The following RGS22 variants were observed in gnomAD, a reference collection of about 807,000 sequenced individuals.
RGS22 encodes the protein regulator of G protein signaling 22.
RGS22 carries 148 observed loss-of-function variants against 172.9 expected under a neutral mutation model. That is an observed-to-expected ratio of 0.86 (90% CI 0.75 to 0.98). The LOEUF (loss-of-function observed/expected upper bound fraction) is 0.98, where lower values mean the gene tolerates loss of function less well. Among genes scored for constraint, RGS22 ranks in the 50% least tolerant of loss-of-function variants. RGS22 has a pLI of 0.00. For missense variants in RGS22, 1,347 were observed against 1,440.8 expected (o/e 0.93, Z 1.05); for synonymous variants, 458 against 480.2 (o/e 0.95, Z 0.60).
intron 2 of RGS22, among the ~76,000 whole-genome samples, chr8:100,095,584 TTTG>T (rs1690997887): frequency 6.6e-6 from 1 of 152,324 alleles, no homozygotes; most frequent in East Asian, 1.9e-4. Flanking sequence ...ATCCCAATTT[TTTG>T]TTATTAAATT....
At chr8:100,054,543 A>G (rs113985512) in intron 9 of RGS22, 3 of 153,854 alleles carry the variant, frequency 1.9e-5, no homozygotes, top group African/African-American at 7.2e-5. Context: ...GCAGTGAGCC[A>G]TGACCATGCC....
intron 10 of RGS22, 56 bp downstream of exon 10, chr8:100,052,746 G>A (rs759326763): frequency 6.9e-7 from 1 of 1,456,258 alleles, no homozygotes; most frequent in Non-Finnish European, 9.6e-7. Context: ...AAACACTCAA[G>A]CATACATATT....
At chr8:100,061,294 C>G (rs1277271624) in intron 9 of RGS22, among the ~76,000 whole-genome samples, 1 of 152,046 alleles carries the variant, frequency 6.6e-6, no homozygotes, top group Non-Finnish European at 1.5e-5. Context: ...GCAACAAAAG[C>G]AAAAATTGAC....
intron 20 of RGS22, among the ~76,000 whole-genome samples, chr8:99,995,041 G>T (rs1814203609): frequency 6.6e-6 from 1 of 152,142 alleles, no homozygotes; most frequent in Non-Finnish European, 1.5e-5. Context: ...AATAAATGGT[G>T]CTGGGAAAAC....
chr8:99,971,985 C>T (rs1449079673), intron 23 of RGS22, among the ~76,000 whole-genome samples: 1 of 152,152 alleles, frequency 6.6e-6, no homozygotes, highest in Non-Finnish European at 1.5e-5. Context: ...CATCACACTA[C>T]CTGACTTCAA....
rs115207850 is a variant in RGS22, at chr8:100,027,073, T to C, written c.2166+11858A>G. On this transcript the variant is annotated intron_variant, in intron 14 of 27. Coordinates refer to ENST00000360863, the MANE Select transcript of RGS22 (RefSeq NM_015668.5). ...GTGAGACCCTGTCTCTACAAAACAT[T>C]AGCTGGGGCTGGTGGTGTGTCTGTA... is the stretch of plus-strand genomic sequence containing the variant. Among the ~76,000 whole-genome samples, 1,293 of 152,120 alleles carry C rather than the reference T, an allele frequency of 8.5e-3. 22 individuals carry two copies. The highest frequency in any genetic ancestry group is 0.03 in the African/African-American group (1,228 of 41,500).
At chr8:99,974,119 T>A (rs1349676224) in intron 23 of RGS22, among the ~76,000 whole-genome samples, 1 of 152,186 alleles carries the variant, frequency 6.6e-6, no homozygotes, top group Admixed American at 6.5e-5. Context: ...TCTTTTCTGA[T>A]CTCTGAAGCT....
chr8:100,088,156 A>G (rs1490129734), intron 3 of RGS22, among the ~76,000 whole-genome samples: 1 of 152,134 alleles, frequency 6.6e-6, no homozygotes, highest in Non-Finnish European at 1.5e-5. Flanking sequence ...TAAAGCTGCA[A>G]GAAATTATAA....
chr8:100,003,829 T>A, intron 17 of RGS22, 97 bp downstream of exon 17: 1 of 1,048,100 alleles, frequency 9.5e-7, no homozygotes, highest in South Asian at 2.2e-5. Context: ...ATGAGTAAAA[T>A]CTGTTATAGC....
At chr8:99,980,870 C>G (rs1168444336) in intron 22 of RGS22, among the ~76,000 whole-genome samples, 1 of 152,196 alleles carries the variant, frequency 6.6e-6, no homozygotes, top group Non-Finnish European at 1.5e-5. Flanking sequence ...TCTCTAAGAT[C>G]TTTTCATTAA....
intron 4 of RGS22, among the ~76,000 whole-genome samples, chr8:100,074,971 C>A (rs1389061066): frequency 6.6e-6 from 1 of 152,070 alleles, no homozygotes; most frequent in Non-Finnish European, 1.5e-5. Context: ...GGAGTTTCAC[C>A]ATGTTAGCCA....
chr8:99,962,312 G>T, intron 27 of RGS22, 82 bp downstream of exon 27: 1 of 843,790 alleles, frequency 1.2e-6, no homozygotes, highest in Non-Finnish European at 2.0e-6. Flanking sequence ...GGTATGCTGT[G>T]TGTGTGCATG....
intron 1 of RGS22, 48 bp downstream of exon 1, chr8:100,105,848 GC>G: frequency 6.8e-7 from 1 of 1,460,742 alleles, no homozygotes; most frequent in Non-Finnish European, 9.2e-7. Flanking sequence ...GCGTGGTGCG[GC>G]CCCGACGCCG....
chr8:100,010,279 A>G (rs1244201767), intron 14 of RGS22, among the ~76,000 whole-genome samples: 3 of 152,120 alleles, frequency 2.0e-5, no homozygotes, highest in African/African-American at 7.2e-5. Flanking sequence ...CGAGGTCAAG[A>G]GATCGAGACC....
chr8:100,008,444 T>G lies in RGS22; in HGVS notation c.2292A>C (p.Glu764Asp), dbSNP rs768761632. The G allele has an allele frequency of 6.2e-7, 1 of 1,613,576 alleles. No homozygotes were observed. Among genetic ancestry groups the G allele is most frequent in the Non-Finnish European group, 8.5e-7 (1 of 1,179,860 alleles). ...PFEDLFDTAE[E>D]YILLLLLEPW... ...GCTCAAGAAGGAGGAGAAGGATATA[T>G]TCCTCTGCTGTGTCAAAAAGGTCTT... Residue 764 changes from glutamate (E) to aspartate (D), a missense_variant, in exon 15 of 28, where the codon GAA (glutamate) becomes GAC (aspartate). Physicochemically the swap from Glu to Asp is conservative, Grantham distance 45. Transcript: ENST00000360863.
At chr8:100,080,105 T>C (rs758334492) in intron 4 of RGS22, 29 bp downstream of exon 4, 11 of 1,469,456 alleles carry the variant, frequency 7.5e-6, no homozygotes, top group Non-Finnish European at 1.0e-5. Flanking sequence ...TTTATCTATC[T>C]AACAAGATAA....
At chr8:100,014,992 G>A (rs1259844169) in intron 14 of RGS22, among the ~76,000 whole-genome samples, 2 of 152,138 alleles carry the variant, frequency 1.3e-5, no homozygotes, top group African/African-American at 4.8e-5. Flanking sequence ...GGTCTACTTT[G>A]TTTATTACTG....
intron 14 of RGS22, among the ~76,000 whole-genome samples, chr8:100,018,317 G>C (rs1359455675): frequency 1.3e-5 from 2 of 151,860 alleles, no homozygotes; most frequent in Admixed American, 1.3e-4. Flanking sequence ...TATTACTCGA[G>C]AGTTAACAAG....
chr8:100,034,219 T>C (rs1012306018), intron 14 of RGS22, among the ~76,000 whole-genome samples: 6 of 152,254 alleles, frequency 3.9e-5, no homozygotes, highest in East Asian at 3.9e-4. Context: ...GAAAACCCCA[T>C]CATCTCAGCC....
Sources: allele counts gnomAD v4.1 joint callset (sites outside exome capture counted in the v4.1 genomes callset), GRCh38; gene constraint gnomAD v4.1.1; transcripts MANE v1.5; gene names NCBI Gene and HGNC (gene_info 2026-07-23, HGNC 2026-07-21).